Variants in USP15 observed in about 807,000 individuals in gnomAD.
The protein encoded by USP15 is ubiquitin specific peptidase 15.
A neutral mutation model predicts 127.1 loss-of-function variants in USP15; 18 were observed. That is an observed-to-expected ratio of 0.14 (90% CI 0.10 to 0.21). The LOEUF is 0.21. USP15 is among the 10% of genes least tolerant of loss of function. The probability of loss-of-function intolerance (pLI) is 1.00; values close to 1 mark genes in which losing one functional copy is unlikely to be tolerated. For missense variants in USP15, 805 were observed against 1,159.9 expected (o/e 0.69, Z 4.44); for synonymous variants, 364 against 393.7 (o/e 0.92, Z 0.89).
chr12:62,408,809 TTAA>T lies in USP15; in HGVS notation c.*4439_*4441del, dbSNP rs1428422143. The T allele has an allele frequency of 2.0e-5, 3 of 152,092 alleles. No homozygotes were observed. The highest frequency in any genetic ancestry group is 2.1e-4 in the South Asian group (1 of 4,834). The allele number at this position is 152,092 out of a possible 1,614,324, so 9.4% of individuals were successfully genotyped here. On this transcript the variant is annotated 3_prime_UTR_variant, in exon 22 of 22. Transcript: ENST00000280377. ...AGTGAGAAATATATATGATGGTTTT[TTAA>T]TAATCATTTTAGGTTTGGAGGCCAT...
intron 3 of USP15, among the ~76,000 whole-genome samples, chr12:62,312,769 T>G (rs923656730): frequency 1.3e-5 from 2 of 151,662 alleles, no homozygotes; most frequent in African/African-American, 4.8e-5. Context: ...TTTATAAGCT[T>G]GTTTCTTCCT....
intron 8 of USP15, among the ~76,000 whole-genome samples, chr12:62,370,922 C>G (rs578253379): frequency 6.6e-5 from 10 of 152,220 alleles, no homozygotes; most frequent in Middle Eastern, 3.4e-3. Context: ...AGTCAAAAAC[C>G]GAAGACTTAT....
chr12:62,290,263 A>G (rs2063921326), intron 1 of USP15, among the ~76,000 whole-genome samples: 3 of 152,128 alleles, frequency 2.0e-5, no homozygotes, highest in Admixed American at 2.0e-4. Context: ...TCTTAGGTCT[A>G]GTAATATTAG....
intron 8 of USP15, among the ~76,000 whole-genome samples, chr12:62,375,711 T>A (rs903563892): frequency 5.3e-5 from 8 of 152,178 alleles, no homozygotes; most frequent in Non-Finnish European, 7.4e-5. Flanking sequence ...GCAGTCTCAA[T>A]ACATTAAACT....
At chr12:62,390,700 A>C (rs957892459) in intron 14 of USP15, among the ~76,000 whole-genome samples, 164 bp from the exon 15 acceptor site, 2 of 152,186 alleles carry the variant, frequency 1.3e-5, no homozygotes, top group African/African-American at 4.8e-5. Context: ...ACAAATTACT[A>C]GTCAGTTATA....
intron 1 of USP15, among the ~76,000 whole-genome samples, chr12:62,285,747 A>G (rs12815247): frequency 6.6e-6 from 1 of 152,180 alleles, no homozygotes; most frequent in African/African-American, 2.4e-5. Context: ...TGATAAACAT[A>G]CAAGTGCAGG....
At chr12:62,350,455 T>C (rs2065935647) in intron 7 of USP15, among the ~76,000 whole-genome samples, 2 of 152,154 alleles carry the variant, frequency 1.3e-5, no homozygotes, top group Admixed American at 1.3e-4. Flanking sequence ...CTCTGGAATT[T>C]TAAATCCAAG....
At chr12:62,378,357 C>T (rs756187483) in intron 8 of USP15, among the ~76,000 whole-genome samples, 11 of 152,102 alleles carry the variant, frequency 7.2e-5, no homozygotes, top group Non-Finnish European at 1.2e-4. Flanking sequence ...ATTATATTGA[C>T]TATTGAATTT....
At chr12:62,347,684 G>A (rs2065859711) in intron 6 of USP15, among the ~76,000 whole-genome samples, 1 of 151,968 alleles carries the variant, frequency 6.6e-6, no homozygotes, top group East Asian at 1.9e-4. Context: ...CTTTTTAAGT[G>A]TGTTCTATAC....
intron 8 of USP15, among the ~76,000 whole-genome samples, chr12:62,378,139 G>A (rs1317214814): frequency 6.6e-6 from 1 of 152,100 alleles, no homozygotes; most frequent in Non-Finnish European, 1.5e-5. Context: ...CTCGGGAGGT[G>A]GAGGTTGCAG....
At chr12:62,323,310 C>T (rs1235234610) in intron 5 of USP15, among the ~76,000 whole-genome samples, 4 of 152,078 alleles carry the variant, frequency 2.6e-5, no homozygotes, top group Non-Finnish European at 5.9e-5. Context: ...GCCCGGTGCT[C>T]TGATAAATGG....
At chr12:62,321,641 C>A in intron 5 of USP15, 32 bp downstream of exon 5, 1 of 1,438,466 alleles carries the variant, frequency 7.0e-7, no homozygotes, top group Non-Finnish European at 9.2e-7. Context: ...CTGTATTATA[C>A]ATGAAGGTTT....
intron 1 of USP15, among the ~76,000 whole-genome samples, chr12:62,271,508 A>T (rs1048748256): frequency 1.3e-5 from 2 of 151,962 alleles, no homozygotes; most frequent in African/African-American, 4.8e-5. Flanking sequence ...AGCGAAGTTG[A>T]TTGTAAGAGC....
chr12:62,304,346 G>T (rs2064412097), intron 3 of USP15, among the ~76,000 whole-genome samples: 1 of 152,152 alleles, frequency 6.6e-6, no homozygotes, highest in African/African-American at 2.4e-5. Flanking sequence ...AAAATAGTTT[G>T]CAAATGTTCA....
At chr12:62,289,737 GTT>G (rs1491387685) in intron 1 of USP15, among the ~76,000 whole-genome samples, 46 of 150,682 alleles carry the variant, frequency 3.1e-4, no homozygotes, top group Admixed American at 1.3e-3. Flanking sequence ...GTGTGTGTGT[GTT>G]TAGACAGCAG....
At chr12:62,368,317 T>A (rs940930771) in intron 8 of USP15, among the ~76,000 whole-genome samples, 1 of 152,180 alleles carries the variant, frequency 6.6e-6, no homozygotes, top group African/African-American at 2.4e-5. Context: ...TGTAAATGTC[T>A]ATTAGGTCTG....
rs753391815 is a variant in USP15, at chr12:62,321,525, G to T, written c.537G>T (p.Leu179Phe). The change falls in exon 5 of 22, where the codon TTG (leucine) becomes TTT (phenylalanine). Residue 179 changes from leucine to phenylalanine, a missense_variant. By Grantham distance (22) the Leu-to-Phe change is conservative. Around this residue, in one of 11 missense-constraint regions of USP15, gnomAD observed 16 missense variants for 40.8 expected, o/e 0.39. Transcript: ENST00000280377. ...FSIPDEKETR[L>F]WNKYMSNTFE... The stretch of plus-strand genomic sequence containing the variant: ...TTCCAGATGAAAAGGAGACCAGATT[G>T]TGGAACAAATACATGAGTAACACAT... The T allele has an allele frequency of 1.2e-6, 2 of 1,609,634 alleles. No homozygotes were observed. The highest frequency in any genetic ancestry group is 3.4e-5 in the Admixed American group (2 of 59,484).
intron 4 of USP15, among the ~76,000 whole-genome samples, chr12:62,321,201 T>C (rs532730993): frequency 6.6e-6 from 1 of 152,264 alleles, no homozygotes; most frequent in South Asian, 2.1e-4. Flanking sequence ...GCATAAATTG[T>C]ATTTTAGTGT....
chr12:62,400,946 T>TA (rs2067666952), intron 20 of USP15, among the ~76,000 whole-genome samples: 2 of 152,130 alleles, frequency 1.3e-5, no homozygotes, highest in African/African-American at 4.8e-5. Context: ...TATGTGAATT[T>TA]AAAAATAATC....
Sources: gnomAD v4.1 joint callset for allele counts (sites outside exome capture counted in the v4.1 genomes callset) on GRCh38, gnomAD v4.1.1 for gene constraint, gnomAD v4.1.1 regional missense constraint, MANE v1.5 for transcripts, NCBI Gene and HGNC (gene_info 2026-07-23, HGNC 2026-07-21) for gene names.